Variants in TIAM1 observed in about 807,000 individuals in gnomAD.
TIAM1 encodes rho guanine nucleotide exchange factor TIAM1.
Under a neutral mutation model 163.5 loss-of-function variants are expected in TIAM1, and 65 were observed. The ratio of observed to expected loss-of-function variants is 0.40; its 90% confidence interval spans 0.33 to 0.49. The LOEUF (loss-of-function observed/expected upper bound fraction) is 0.49. TIAM1 is among the 20% of genes least tolerant of loss of function. TIAM1 has a pLI of 0.77. For missense variants in TIAM1, 1,789 were observed against 2,044.7 expected (o/e 0.87, Z 2.41); for synonymous variants, 833 against 810.1 (o/e 1.03, Z -0.48).
At chr21:31,284,349 C>T (rs888935890) in intron 2 of TIAM1, among the ~76,000 whole-genome samples, 1 of 152,116 alleles carries the variant, frequency 6.6e-6, no homozygotes, top group African/African-American at 2.4e-5. Flanking sequence ...TTGAGCCACC[C>T]TTAGGTCTCT....
intron 19 of TIAM1, among the ~76,000 whole-genome samples, chr21:31,147,753 ATAAT>A (rs906121109): frequency 6.4e-5 from 9 of 141,524 alleles, no homozygotes; most frequent in East Asian, 2.0e-4. Flanking sequence ...TATATAATAT[ATAAT>A]TAATATATTA....
intron 2 of TIAM1, among the ~76,000 whole-genome samples, chr21:31,436,407 G>A (rs1376215495): frequency 1.3e-5 from 2 of 152,120 alleles, no homozygotes; most frequent in Non-Finnish European, 2.9e-5. Flanking sequence ...GGAGACTAAG[G>A]CAGGCAGTCA....
chr21:31,159,217 T>C (rs550506632), intron 16 of TIAM1, among the ~76,000 whole-genome samples: 39 of 152,142 alleles, frequency 2.6e-4, no homozygotes, highest in African/African-American at 9.4e-4. Flanking sequence ...CTAAGAATTA[T>C]CCAACCAACA....
intron 2 of TIAM1, among the ~76,000 whole-genome samples, chr21:31,401,159 C>T (rs1025135005): frequency 6.6e-6 from 1 of 152,158 alleles, no homozygotes; most frequent in Non-Finnish European, 1.5e-5. Flanking sequence ...AAAAAGTAAA[C>T]AAGTGCATAT....
chr21:31,427,488 A>T (rs988112222), intron 2 of TIAM1, among the ~76,000 whole-genome samples: 1 of 151,976 alleles, frequency 6.6e-6, no homozygotes, highest in African/African-American at 2.4e-5. Flanking sequence ...CTCTGTCTCA[A>T]AAAAATAATA....
At chr21:31,165,132 G>GT in intron 15 of TIAM1, 67 bp from the exon 16 acceptor site, 1 of 1,436,850 alleles carries the variant, frequency 7.0e-7, no homozygotes. Flanking sequence ...CCACCCCTGT[G>GT]TGAGGGGGAC....
intron 1 of TIAM1, among the ~76,000 whole-genome samples, chr21:31,518,814 C>G (rs1030377239): frequency 3.3e-5 from 5 of 152,206 alleles, no homozygotes; most frequent in Admixed American, 2.6e-4. Context: ...CTGGCCGGCT[C>G]CAGTGAATCC....
At chr21:31,400,524 C>A (rs1328687616) in intron 2 of TIAM1, among the ~76,000 whole-genome samples, 1 of 152,192 alleles carries the variant, frequency 6.6e-6, no homozygotes, top group African/African-American at 2.4e-5. Flanking sequence ...ATTTTCTGCA[C>A]TCCTATATCC....
intron 1 of TIAM1, among the ~76,000 whole-genome samples, chr21:31,478,514 T>G (rs1569367357): frequency 6.6e-6 from 1 of 152,230 alleles, no homozygotes; most frequent in Non-Finnish European, 1.5e-5. Context: ...GCTTTTTCAC[T>G]CAACATTATA....
intron 1 of TIAM1, among the ~76,000 whole-genome samples, chr21:31,491,651 C>A (rs748523861): frequency 6.6e-6 from 1 of 152,158 alleles, no homozygotes; most frequent in Non-Finnish European, 1.5e-5. Flanking sequence ...TGCTTTGTGG[C>A]CATCTGAGAA....
chr21:31,312,409 C>T (rs1569203535), intron 2 of TIAM1, among the ~76,000 whole-genome samples: 1 of 152,032 alleles, frequency 6.6e-6, no homozygotes, highest in Non-Finnish European at 1.5e-5. Flanking sequence ...GGTGAGTTAG[C>T]GTCATTAGTA....
intron 2 of TIAM1, among the ~76,000 whole-genome samples, chr21:31,387,961 T>C (rs1174362713): frequency 2.0e-5 from 3 of 152,074 alleles, no homozygotes; most frequent in Non-Finnish European, 4.4e-5. Flanking sequence ...TGGTGAGTTC[T>C]CATGAGATCT....
intron 4 of TIAM1, among the ~76,000 whole-genome samples, chr21:31,260,759 T>TA (rs1228484074): frequency 2.0e-5 from 3 of 150,862 alleles, no homozygotes; most frequent in Non-Finnish European, 4.4e-5. Context: ...AAGGGTGTTT[T>TA]AAAAATCGAT....
At chr21:31,291,832 GCCTGTATAACCCTCAGATATT>G (rs1486523996) in intron 2 of TIAM1, among the ~76,000 whole-genome samples, 1 of 152,094 alleles carries the variant, frequency 6.6e-6, no homozygotes, top group East Asian at 1.9e-4. Context: ...CGAATTCCAT[GCCTGTATAACCCTCAGATATT>G]CCTCTTGCCC....
chr21:31,378,956 AC>A (rs1291301755), intron 2 of TIAM1, among the ~76,000 whole-genome samples: 1 of 152,030 alleles, frequency 6.6e-6, no homozygotes, highest in African/African-American at 2.4e-5. Flanking sequence ...CAAATACTAA[AC>A]TATTTTATTT....
intron 1 of TIAM1, among the ~76,000 whole-genome samples, chr21:31,530,866 T>A (rs2047946817): frequency 6.6e-6 from 1 of 152,048 alleles, no homozygotes; most frequent in Non-Finnish European, 1.5e-5. Flanking sequence ...TTGGCTTCAT[T>A]CCTGAGTAAT....
intron 2 of TIAM1, among the ~76,000 whole-genome samples, chr21:31,432,346 G>A (rs572282480): frequency 3.2e-4 from 49 of 152,172 alleles, no homozygotes; most frequent in African/African-American, 7.9e-4. Flanking sequence ...TGATCTGCCC[G>A]CCTCAGGCTC....
At chr21:31,165,426 GGATGA>G (rs1339248171) in intron 15 of TIAM1, among the ~76,000 whole-genome samples, 5 of 152,094 alleles carry the variant, frequency 3.3e-5, no homozygotes, top group African/African-American at 1.2e-4. Flanking sequence ...GGGTCCCCAT[GGATGA>G]GATTAGTGTC....
rs1244621939 is a variant in TIAM1 at position 31,154,304 on chromosome 21, T to C, written c.3114A>G (p.Ala1038=). Residue 1038 remains alanine (A), a synonymous_variant, in exon 17 of 28, where the codon GCA becomes GCG. Coordinates refer to ENST00000541036, the MANE Select transcript of TIAM1 (RefSeq NM_001353694.2). ...CGCAGATCACCTTGCGCAGCTTATC[T>C]GCATCCGAGAGTTGTCTCATGGTCG... ...QLATMRQLSD[A]DKLRKVICEL... 52 of 1,613,936 alleles carry C rather than the reference T, an allele frequency of 3.2e-5. No homozygotes were observed. Among genetic ancestry groups the C allele is most frequent in the Non-Finnish European group, 4.3e-5 (51 of 1,179,996 alleles).
Sources: gnomAD v4.1 joint callset for allele counts (sites outside exome capture counted in the v4.1 genomes callset) on GRCh38, gnomAD v4.1.1 for gene constraint, MANE v1.5 for transcripts, NCBI Gene and HGNC (gene_info 2026-07-23, HGNC 2026-07-21) for gene names.